The following CD1E variants were observed in gnomAD, a reference collection of about 807,000 sequenced individuals.
The protein encoded by CD1E is CD1e molecule.
A neutral mutation model predicts 40.1 loss-of-function variants in CD1E; 49 were observed. That is an observed-to-expected ratio of 1.22 (90% CI 0.97 to 1.55). CD1E has a LOEUF of 1.55. Among genes scored for constraint, CD1E ranks in the 40% most tolerant of loss-of-function variants. The pLI is 0.00. For synonymous variants in CD1E, 189 were observed against 178.3 expected (o/e 1.06, Z -0.48); for missense variants, 492 against 471.3 (o/e 1.04, Z -0.41).
chr1:158,356,497 G>C lies in CD1E; in HGVS notation c.905-1G>C. The C allele has an allele frequency of 3.7e-6, 6 of 1,605,258 alleles. No individual in the cohort carries two copies. The highest frequency in any genetic ancestry group is 5.1e-6 in the Non-Finnish European group (6 of 1,172,532). ...GGTATTCTTATTCTATCCCCAACCA[G>C]GTGGATATTCCATCTTTCTCATCCT... On this transcript the variant is annotated splice_acceptor_variant, in intron 4 of 5. Coordinates refer to ENST00000368167, the MANE Select transcript of CD1E (RefSeq NM_030893.4). LOFTEE classifies it high-confidence loss of function.
In CD1E at chr1:158,355,465, G is replaced by A. The variant is rs747611523; in HGVS notation, c.521G>A (p.Arg174His). The A allele has an allele frequency of 1.4e-5, 22 of 1,613,938 alleles. No homozygotes were observed. Among genetic ancestry groups the A allele is most frequent in the African/African-American group, 4.0e-5 (3 of 74,884 alleles). ...RAQNICKVLN[R>H]YLDIKEILQS... ...CAGAACATCTGTAAAGTGCTCAATC[G>A]CTACCTAGATATTAAGGAAATACTG... The change falls in exon 3 of 6, where the codon CGC becomes CAC. Residue 174 changes from arginine (R) to histidine (H), a missense_variant. Physicochemically the swap from Arg to His is conservative, Grantham distance 29. Coordinates refer to ENST00000368167, the MANE Select transcript of CD1E (RefSeq NM_030893.4).
At position 158,356,838 on chromosome 1, in the gene CD1E, C is replaced by A. The variant is rs1251865894; in HGVS notation, c.1109C>A (p.Ser370Ter). 6.2e-7 allele frequency: 1 copy of A among 1,613,824 alleles called. No individual in the cohort carries two copies. The highest frequency in any genetic ancestry group is 1.3e-5 in the African/African-American group (1 of 74,874). Residue 370 changes from serine to a stop codon, truncating the protein, a stop_gained, in exon 6 of 6, where the codon TCG (serine) becomes TAG (stop). Coordinates refer to ENST00000368167, the MANE Select transcript of CD1E (RefSeq NM_030893.4). LOFTEE classifies it low-confidence loss of function (END_TRUNC). The stretch of plus-strand genomic sequence containing the variant: ...CATCAGTTCTGCTTGGCACAAGTAT[C>A]GTGGATCAAAAACAGAGTATTGAAG... ...SRHQFCLAQV[S>*]WIKNRVLKKW...
chr1:158,355,163 C>G, intron 2 of CD1E, 137 bp from the exon 3 acceptor site: 1 of 796,524 alleles, frequency 1.3e-6, no homozygotes, highest in South Asian at 1.7e-5. Context: ...TTTTCTTCCC[C>G]TTTGCCAGTA....
At position 158,356,956 on chromosome 1, in the gene CD1E, C is replaced by T. The variant is rs748862822; in HGVS notation, c.*60C>T. ...GCATCTTCTTAAACACCGTCCATGT[C>T]CCATAAGGGAAGCATGCTTTTATTT... On this transcript the variant is annotated 3_prime_UTR_variant, in exon 6 of 6. Transcript: ENST00000368167. The T allele has an allele frequency of 1.5e-6, 2 of 1,360,166 alleles. No homozygotes were observed. The highest frequency in any genetic ancestry group is 2.1e-6 in the Non-Finnish European group (2 of 953,150). 84.3% of individuals were successfully genotyped at this position (1,360,166 alleles called of 1,614,324 possible).
rs1452225033 is a variant in CD1E, at chr1:158,356,953, T to C, written c.*57T>C. The C allele has an allele frequency of 1.4e-6, 2 of 1,412,512 alleles. No homozygotes were observed. The highest frequency in any genetic ancestry group is 2.0e-6 in the Non-Finnish European group (2 of 998,862). 87.5% of individuals were successfully genotyped at this position (1,412,512 alleles called of 1,614,324 possible). A position where few individuals can be genotyped will look rare whatever the true frequency, so the allele number is the denominator to read the frequency against. ...TCTGCATCTTCTTAAACACCGTCCA[T>C]GTCCCATAAGGGAAGCATGCTTTTA... On this transcript the variant is annotated 3_prime_UTR_variant, in exon 6 of 6. Coordinates refer to ENST00000368167, the MANE Select transcript of CD1E (RefSeq NM_030893.4).
At position 158,355,304 on chromosome 1, in the gene CD1E, C is replaced by T; in HGVS notation, c.360C>T (p.Pro120=). 1.1e-5 allele frequency: 18 copies of T among 1,613,748 alleles called. No individual in the cohort carries two copies. Among genetic ancestry groups the T allele is most frequent in the Non-Finnish European group, 1.5e-5 (18 of 1,179,788 alleles). ...CTCTTCCCTGTCCACTCTCAGACCC[C>T]TTCGAGATCCAGATATTAGCTGGCT... ...ASAGQFQLEY[P]FEIQILAGCR... Residue 120 remains proline (P), a synonymous_variant, in exon 3 of 6, where the codon CCC becomes CCT. Transcript: ENST00000368167.
Position 158,356,999 on chromosome 1 carries a change from A to G in CD1E, c.*103A>G. 1.1e-6 allele frequency: 1 copy of G among 933,214 alleles called. No homozygotes were observed. The highest frequency in any genetic ancestry group is 1.7e-6 in the Non-Finnish European group (1 of 601,924). The allele number at this position is 933,214 out of a possible 1,614,324, so 57.8% of individuals were successfully genotyped here. On this transcript the variant is annotated 3_prime_UTR_variant, in exon 6 of 6. Coordinates refer to ENST00000368167, the MANE Select transcript of CD1E (RefSeq NM_030893.4). ...TTTTATTTAAACAGTTTATACTAGCAAAGATACTGACCCCTTTAGGAATAC... is the reference window on the plus strand; with the variant it reads ...TTTTATTTAAACAGTTTATACTAGCGAAGATACTGACCCCTTTAGGAATAC...
At position 158,356,122 on chromosome 1, in the gene CD1E, G is replaced by T; in HGVS notation, c.904+17G>T. On this transcript the variant is annotated intron_variant, in intron 4 of 5. Transcript: ENST00000368167. ...TCCATTGGGGTGAGAAACAGCTGAGGCTCTGCTGGGAAATAATGAAAATAG... is the reference window on the plus strand; with the variant it reads ...TCCATTGGGGTGAGAAACAGCTGAGTCTCTGCTGGGAAATAATGAAAATAG... 2 of 1,612,802 alleles carry T rather than the reference G, an allele frequency of 1.2e-6. No homozygotes were observed. The highest frequency in any genetic ancestry group is 1.7e-6 in the Non-Finnish European group (2 of 1,179,278).
At position 158,355,828 on chromosome 1, in the gene CD1E, G is replaced by A; in HGVS notation, c.627G>A (p.Val209=). The change falls in exon 4 of 6, where the codon GTG becomes GTA. Residue 209 remains valine (V), a splice_region_variant and synonymous_variant. Transcript: ENST00000368167. ...EAGESELKRK[V]KPEAWLSCGP... ...TTTTTTCTATCTTCTTCTTCCTAGTGAAGCCAGAGGCCTGGCTGTCCTGTG... is the reference window on the plus strand; with the variant it reads ...TTTTTTCTATCTTCTTCTTCCTAGTAAAGCCAGAGGCCTGGCTGTCCTGTG... 1.9e-6 allele frequency: 3 copies of A among 1,607,298 alleles called. No homozygotes were observed. The highest frequency in any genetic ancestry group is 2.6e-6 in the Non-Finnish European group (3 of 1,176,394).
Position 158,357,171 on chromosome 1 carries a change from A to G in CD1E, c.*275A>G, listed in dbSNP as rs1226362149. 3.2e-6 allele frequency: 1 copy of G among 309,808 alleles called. No individual in the cohort carries two copies. The highest frequency in any genetic ancestry group is 4.5e-5 in the Admixed American group (1 of 22,448). The allele number at this position is 309,808 out of a possible 1,614,324, so 19.2% of individuals were successfully genotyped here. ...TAGCTCTTCTGTACTCCCCAAATTG[A>G]ACTGATCTTCACAAGCACATTCATC... On this transcript the variant is annotated 3_prime_UTR_variant, in exon 6 of 6. Coordinates refer to ENST00000368167, the MANE Select transcript of CD1E (RefSeq NM_030893.4).
At position 158,357,156 on chromosome 1, in the gene CD1E, G is replaced by A. The variant is rs369758730; in HGVS notation, c.*260G>A. 3.6e-5 allele frequency: 13 copies of A among 361,426 alleles called. No homozygotes were observed. In the South Asian group the frequency reaches 4.5e-4, roughly 12 times the overall value. The allele number at this position is 361,426 out of a possible 1,614,324, so 22.4% of individuals were successfully genotyped here. On this transcript the variant is annotated 3_prime_UTR_variant, in exon 6 of 6. Transcript: ENST00000368167. ...AGATCACCCAATTGATAGCTCTTCTGTACTCCCCAAATTGAACTGATCTTC... is the reference window on the plus strand; with the variant it reads ...AGATCACCCAATTGATAGCTCTTCTATACTCCCCAAATTGAACTGATCTTC...
At position 158,356,878 on chromosome 1, in the gene CD1E, C is replaced by T; in HGVS notation, c.1149C>T (p.Arg383=). The T allele has an allele frequency of 6.2e-7, 1 of 1,613,940 alleles. No individual in the cohort carries two copies. The highest frequency in any genetic ancestry group is 8.5e-7 in the Non-Finnish European group (1 of 1,179,906). ...GAGTATTGAAGAAGTGGAAGACACG[C>T]CTAAACCAACTCTGGTGACATTTGC... is the stretch of plus-strand genomic sequence containing the variant. The part of the protein sequence containing the change: ...KNRVLKKWKT[R]LNQLW Residue 383 remains arginine, a synonymous_variant, in exon 6 of 6, where the codon CGC becomes CGT. Transcript: ENST00000368167.
chr1:158,353,954 T>C lies in CD1E; in HGVS notation c.-35T>C, dbSNP rs771896654. On this transcript the variant is annotated 5_prime_UTR_variant, in exon 1 of 6. Transcript: ENST00000368167. ...GATATCTGAATTATTAGGGCAGGTG[T>C]CCTGCCAAGGAATCCCTCCTTTAAC... The C allele has an allele frequency of 7.1e-6, 11 of 1,552,484 alleles. No individual in the cohort carries two copies. The Admixed American group carries it at 1.8e-4, about 26-fold the overall frequency.
At chr1:158,356,461 A>G (rs1232093594) in intron 4 of CD1E, 37 bp from the exon 5 acceptor site, 10 of 1,464,714 alleles carry the variant, frequency 6.8e-6, no homozygotes, top group African/African-American at 5.6e-5. Context: ...GGAATAGAGT[A>G]TTTTAGGGTT....
In CD1E at chr1:158,356,831, C is replaced by G. The variant is rs1477090046; in HGVS notation, c.1102C>G (p.Gln368Glu). 3 of 1,613,850 alleles carry G rather than the reference C, an allele frequency of 1.9e-6. No individual in the cohort carries two copies. The highest frequency in any genetic ancestry group is 1.1e-5 in the South Asian group (1 of 91,056). ...TTCAAGACATCAGTTCTGCTTGGCACAAGTATCGTGGATCAAAAACAGAGT... is the reference window on the plus strand; with the variant it reads ...TTCAAGACATCAGTTCTGCTTGGCAGAAGTATCGTGGATCAAAAACAGAGT... ...KNSRHQFCLA[Q>E]VSWIKNRVLK... Residue 368 changes from glutamine to glutamate, a missense_variant, in exon 6 of 6, where the codon CAA (glutamine) becomes GAA (glutamate). By Grantham distance (29) the Gln-to-Glu change is conservative. Coordinates refer to ENST00000368167, the MANE Select transcript of CD1E (RefSeq NM_030893.4).
In CD1E at chr1:158,355,875, G is replaced by A. The variant is rs202212296; in HGVS notation, c.674G>A (p.Arg225His). Residue 225 changes from arginine (R) to histidine (H), a missense_variant, in exon 4 of 6, where the codon CGT becomes CAT. By Grantham distance (29) the Arg-to-His change is conservative. Coordinates refer to ENST00000368167, the MANE Select transcript of CD1E (RefSeq NM_030893.4). ...LSCGPSPGPGRLQLVCHVSGF... is the reference protein window; with the variant it reads ...LSCGPSPGPGHLQLVCHVSGF... ...TGTGGCCCCAGTCCTGGCCCTGGCC[G>A]TCTGCAGCTTGTGTGCCATGTCTCA... 363 of 1,614,080 alleles carry A rather than the reference G, an allele frequency of 2.2e-4. 2 individuals are homozygous for A. Among genetic ancestry groups the A allele is most frequent in the African/African-American group, 2.2e-3 (166 of 75,032 alleles).
At chr1:158,354,154 T>A in intron 1 of CD1E, 108 bp downstream of exon 1, 1 of 1,028,360 alleles carries the variant, frequency 9.7e-7, no homozygotes, top group Non-Finnish European at 1.5e-6. Flanking sequence ...TAGGATGCCC[T>A]TGGAATATGC....
In CD1E at chr1:158,356,739, A is replaced by G. The variant is rs1226354739; in HGVS notation, c.1010A>G (p.Asn337Ser). The change falls in exon 6 of 6, where the codon AAC (asparagine) becomes AGC (serine). Residue 337 changes from asparagine (N) to serine (S), a missense_variant. Transcript: ENST00000368167. The stretch of plus-strand genomic sequence containing the variant: ...CTCTTTTCCCACAGTTCAAATAAGA[A>G]CATTCTTTCTCCCCACACACCCAGC... Reference protein sequence around the residue: ...SRLKKQSSNKNILSPHTPSPV... With the variant: ...SRLKKQSSNKSILSPHTPSPV... 1.2e-6 allele frequency: 2 copies of G among 1,613,620 alleles called. No homozygotes were observed. Among genetic ancestry groups the G allele is most frequent in the Admixed American group, 3.3e-5 (2 of 59,978 alleles).
chr1:158,355,575 C>G lies in CD1E; in HGVS notation c.625+6C>G. 1 of 1,612,600 alleles carries G rather than the reference C, an allele frequency of 6.2e-7. No individual in the cohort carries two copies. Among genetic ancestry groups the G allele is most frequent in the Non-Finnish European group, 8.5e-7 (1 of 1,179,162 alleles). ...GTCAGAACTGAAACGGAAAGGTGAG[C>G]CCAACTCTCTCTCTCCCCTCTTGTT... On this transcript the variant is annotated splice_donor_region_variant and intron_variant, in intron 3 of 5. Coordinates refer to ENST00000368167, the MANE Select transcript of CD1E (RefSeq NM_030893.4).
Sources: gnomAD v4.1 joint callset for allele counts on GRCh38, gnomAD v4.1.1 for gene constraint, MANE v1.5 for transcripts, NCBI Gene and HGNC (gene_info 2026-07-23, HGNC 2026-07-21) for gene names.